Variants in BPNT1 observed in about 807,000 individuals in gnomAD.
BPNT1 encodes the protein 3'(2'),5'-bisphosphate nucleotidase 1.
Under a neutral mutation model 36.9 loss-of-function variants are expected in BPNT1, and 28 were observed. The ratio of observed to expected loss-of-function variants is 0.76; its 90% CI spans 0.56 to 1.04. The LOEUF (loss-of-function observed/expected upper bound fraction) is 1.04, where lower values mean the gene tolerates loss of function less well. BPNT1 is among the 50% of genes least tolerant of loss of function. The pLI is 0.00. For synonymous variants in BPNT1, 119 were observed against 130.9 expected (o/e 0.91, Z 0.62); for missense variants, 313 against 372.9 (o/e 0.84, Z 1.32).
chr1:220,073,957 T>C lies in BPNT1; in HGVS notation c.225+10A>G, dbSNP rs2102701441. On this transcript the variant is annotated intron_variant, in intron 3 of 8. Coordinates refer to ENST00000322067, the MANE Select transcript of BPNT1 (RefSeq NM_006085.6). The stretch of plus-strand genomic sequence containing the variant: ...AGAGATTTTAAAAAAATGTCTCTGA[T>C]GACGCTTACCTCTTCCCCTATAATT... The C allele has an allele frequency of 6.2e-7, 1 of 1,610,808 alleles. No individual in the cohort carries two copies. The highest frequency in any genetic ancestry group is 1.1e-5 in the South Asian group (1 of 90,356).
At chr1:220,073,751 T>G (rs1279089074) in intron 3 of BPNT1, among the ~76,000 whole-genome samples, 1 of 152,214 alleles carries the variant, frequency 6.6e-6, no homozygotes, top group Non-Finnish European at 1.5e-5. Context: ...ATATCTTCTA[T>G]GGTCAATAAT....
chr1:220,080,459 G>T (rs1482610599), intron 1 of BPNT1, among the ~76,000 whole-genome samples: 1 of 152,194 alleles, frequency 6.6e-6, no homozygotes, highest in Non-Finnish European at 1.5e-5. Context: ...CTAATATAAA[G>T]GAAAGAGGTT....
chr1:220,085,087 G>GA (rs377402752), intron 1 of BPNT1, among the ~76,000 whole-genome samples: 1 of 148,270 alleles, frequency 6.7e-6, no homozygotes, highest in African/African-American at 2.5e-5. Flanking sequence ...AAAAAAAAAA[G>GA]AAAAAATACA....
At chr1:220,078,452 A>C (rs912168266) in intron 2 of BPNT1, among the ~76,000 whole-genome samples, 2 of 135,094 alleles carry the variant, frequency 1.5e-5, no homozygotes, top group Admixed American at 1.7e-4. Flanking sequence ...AATTATACTT[A>C]TATATAAATA....
intron 6 of BPNT1, among the ~76,000 whole-genome samples, chr1:220,064,514 A>C (rs952604000): frequency 6.6e-6 from 1 of 152,142 alleles, no homozygotes; most frequent in African/African-American, 2.4e-5. Flanking sequence ...CTATGCGGGG[A>C]GTCTGGAGCT....
chr1:220,078,560 T>A (rs1349038266), intron 2 of BPNT1, among the ~76,000 whole-genome samples: 5 of 136,892 alleles, frequency 3.7e-5, no homozygotes, highest in African/African-American at 1.3e-4. Context: ...TATATATAAA[T>A]ATAATATATA....
At chr1:220,081,759 T>A (rs1336426485) in intron 1 of BPNT1, among the ~76,000 whole-genome samples, 1 of 151,840 alleles carries the variant, frequency 6.6e-6, no homozygotes, top group Non-Finnish European at 1.5e-5. Flanking sequence ...TAAAGGCCAT[T>A]TCCTACCCCA....
At chr1:220,065,063 C>T (rs1237154632) in intron 6 of BPNT1, among the ~76,000 whole-genome samples, 6 of 152,210 alleles carry the variant, frequency 3.9e-5, no homozygotes, top group Non-Finnish European at 8.8e-5. Flanking sequence ...CTGCCTTGGC[C>T]TCCCAAAGTG....
intron 1 of BPNT1, among the ~76,000 whole-genome samples, chr1:220,083,053 A>G (rs1311037356): frequency 6.6e-6 from 1 of 151,470 alleles, no homozygotes; most frequent in East Asian, 2.1e-4. Flanking sequence ...CCAGACTAAC[A>G]TGGTGAAACC....
intron 2 of BPNT1, among the ~76,000 whole-genome samples, chr1:220,076,968 G>A (rs898575708): frequency 5.3e-5 from 8 of 151,946 alleles, no homozygotes; most frequent in Non-Finnish European, 7.4e-5. Flanking sequence ...GAACTAGCCC[G>A]CTCAGCTTTC....
intron 5 of BPNT1, among the ~76,000 whole-genome samples, chr1:220,068,112 T>C (rs571049693): frequency 1.3e-5 from 2 of 152,336 alleles, no homozygotes; most frequent in South Asian, 4.1e-4. Flanking sequence ...TTTTAAGCCA[T>C]GTCCTGAGAG....
At chr1:220,069,465 A>C in intron 4 of BPNT1, 33 bp from the exon 5 acceptor site, 1 of 1,539,790 alleles carries the variant, frequency 6.5e-7, no homozygotes, top group Non-Finnish European at 8.9e-7. Flanking sequence ...AAAATATCTA[A>C]ATCAAGCACA....
intron 6 of BPNT1, among the ~76,000 whole-genome samples, chr1:220,064,513 G>T (rs1188746134): frequency 6.6e-6 from 1 of 152,194 alleles, no homozygotes; most frequent in Non-Finnish European, 1.5e-5. Flanking sequence ...CCTATGCGGG[G>T]AGTCTGGAGC....
intron 2 of BPNT1, among the ~76,000 whole-genome samples, chr1:220,078,578 T>C (rs1664816017): frequency 7.5e-6 from 1 of 133,614 alleles, no homozygotes; most frequent in Non-Finnish European, 1.6e-5. Context: ...ATATTATATA[T>C]GTATATAATA....
At chr1:220,060,814 ACAT>A (rs1455640018) in intron 7 of BPNT1, among the ~76,000 whole-genome samples, 1 of 152,176 alleles carries the variant, frequency 6.6e-6, no homozygotes, top group Non-Finnish European at 1.5e-5. Context: ...GAGGCATGAG[ACAT>A]CAATCAAATA....
At chr1:220,064,864 G>C (rs1663393648) in intron 6 of BPNT1, among the ~76,000 whole-genome samples, 1 of 152,150 alleles carries the variant, frequency 6.6e-6, no homozygotes, top group Non-Finnish European at 1.5e-5. Context: ...CTGGAGTGCA[G>C]TGGTGCGATC....
chr1:220,062,613 T>G, intron 7 of BPNT1, 144 bp downstream of exon 7: 3 of 822,722 alleles, frequency 3.6e-6, no homozygotes, highest in Non-Finnish European at 3.8e-6. Flanking sequence ...TACGTGTGCA[T>G]GTGTCTTTAT....
chr1:220,058,027 AT>A lies in BPNT1; in HGVS notation c.*816del. On this transcript the variant is annotated 3_prime_UTR_variant, in exon 9 of 9. Coordinates refer to ENST00000322067, the MANE Select transcript of BPNT1 (RefSeq NM_006085.6). ...ACCTTCTCTACTAAAAATACAAAAA[AT>A]TAGCCAGGCGTGGTGGCGGTGCCTG... 1 of 583,140 alleles carries A rather than the reference AT, an allele frequency of 1.7e-6. No individual in the cohort carries two copies. Among genetic ancestry groups the A allele is most frequent in the Non-Finnish European group, 2.5e-6 (1 of 398,304 alleles). 36.1% of individuals were successfully genotyped at this position (583,140 alleles called of 1,614,324 possible).
chr1:220,066,295 C>T (rs1207737381), intron 6 of BPNT1, among the ~76,000 whole-genome samples: 2 of 152,084 alleles, frequency 1.3e-5, no homozygotes, highest in African/African-American at 2.4e-5. Context: ...AAACCACAAA[C>T]TTATGTCTGT....
Sources: gnomAD v4.1 joint callset for allele counts (sites outside exome capture counted in the v4.1 genomes callset) on GRCh38, gnomAD v4.1.1 for gene constraint, MANE v1.5 for transcripts, NCBI Gene and HGNC (gene_info 2026-07-23, HGNC 2026-07-21) for gene names.